Variants in GRXCR1 observed in about 807,000 individuals in gnomAD.
GRXCR1 encodes glutaredoxin domain-containing cysteine-rich protein 1.
A neutral mutation model predicts 27.3 loss-of-function variants in GRXCR1; 27 were observed. The observed-to-expected ratio is 0.99, with a 90% CI of 0.73 to 1.37. The LOEUF (loss-of-function observed/expected upper bound fraction) is 1.37. GRXCR1 is among the 40% of genes most tolerant of loss of function. GRXCR1 has a pLI of 0.00. For synonymous variants in GRXCR1, 122 were observed against 131.1 expected, an observed-to-expected ratio of 0.93 and a Z score of 0.47; for missense variants, 379 against 354.4, an observed-to-expected ratio of 1.07 and a Z score of -0.56.
chr4:42,945,801 A>G (rs1293530074), intron 1 of GRXCR1, among the ~76,000 whole-genome samples: 1 of 152,152 alleles, frequency 6.6e-6, no homozygotes, highest in Non-Finnish European at 1.5e-5. Flanking sequence ...AGAGGTGGTT[A>G]GCTTATTTTA....
chr4:42,923,152 C>T (rs1321183018), intron 1 of GRXCR1, among the ~76,000 whole-genome samples: 1 of 152,134 alleles, frequency 6.6e-6, no homozygotes, highest in Admixed American at 6.6e-5. Context: ...TTCACCCCTC[C>T]ATAAGGGAGG....
At chr4:42,912,552 A>G (rs1746747486) in intron 1 of GRXCR1, among the ~76,000 whole-genome samples, 1 of 152,208 alleles carries the variant, frequency 6.6e-6, no homozygotes, top group South Asian at 2.1e-4. Context: ...ATAGCCCTGA[A>G]CAATTTTCAT....
At chr4:42,924,939 C>A (rs1747120946) in intron 1 of GRXCR1, among the ~76,000 whole-genome samples, 1 of 151,930 alleles carries the variant, frequency 6.6e-6, no homozygotes, top group Non-Finnish European at 1.5e-5. Flanking sequence ...ATCTAAATTC[C>A]ACAATTTCCC....
chr4:42,934,445 T>G (rs973533119), intron 1 of GRXCR1, among the ~76,000 whole-genome samples: 1 of 151,732 alleles, frequency 6.6e-6, no homozygotes, highest in Admixed American at 6.6e-5. Context: ...CTTTTATGCT[T>G]GAACACATGG....
In GRXCR1 at chr4:42,984,052, T is replaced by C. The variant is rs145236795; in HGVS notation, c.627+20918T>C. 1.8e-3 allele frequency among the ~76,000 whole-genome samples: 279 copies of C among 152,216 alleles called. 1 individual carries two copies. The highest frequency in any genetic ancestry group is 6.6e-3 in the African/African-American group (274 of 41,534). On this transcript the variant is annotated intron_variant, in intron 2 of 3. Transcript: ENST00000399770. The stretch of plus-strand genomic sequence containing the variant: ...GTTTTTGCCATGTTGGCCAGGCTGG[T>C]CTCGAACTCCTGACCTCAGGTGATC...
chr4:43,013,668 GA>G (rs1409859822), intron 2 of GRXCR1, among the ~76,000 whole-genome samples: 2 of 152,050 alleles, frequency 1.3e-5, no homozygotes, highest in Non-Finnish European at 1.5e-5. Flanking sequence ...AAATAAAAAT[GA>G]AAATCAGTTT....
intron 1 of GRXCR1, among the ~76,000 whole-genome samples, chr4:42,902,411 G>A (rs1370897656): frequency 6.6e-6 from 1 of 152,150 alleles, no homozygotes; most frequent in Non-Finnish European, 1.5e-5. Context: ...TTAATTTGCT[G>A]AGGATAATGG....
At chr4:42,897,790 G>T (rs1746379323) in intron 1 of GRXCR1, among the ~76,000 whole-genome samples, 3 of 151,808 alleles carry the variant, frequency 2.0e-5, no homozygotes, top group Admixed American at 2.0e-4. Context: ...TTTAAAGAAA[G>T]TAAATAATTT....
chr4:42,981,882 T>C (rs1039324598), intron 2 of GRXCR1, among the ~76,000 whole-genome samples: 8 of 152,266 alleles, frequency 5.3e-5, no homozygotes, highest in African/African-American at 1.9e-4. Flanking sequence ...TTTTTGACAG[T>C]TTGATTATAT....
chr4:42,893,837 T>C (rs1746290147), intron 1 of GRXCR1, among the ~76,000 whole-genome samples, 187 bp downstream of exon 1: 1 of 152,146 alleles, frequency 6.6e-6, no homozygotes, highest in Non-Finnish European at 1.5e-5. Context: ...CTTGGGAAAA[T>C]AGACTGAGTT....
At chr4:42,940,023 G>C (rs1316441409) in intron 1 of GRXCR1, among the ~76,000 whole-genome samples, 2 of 151,952 alleles carry the variant, frequency 1.3e-5, no homozygotes, top group African/African-American at 2.4e-5. Flanking sequence ...TACCCGTGGA[G>C]AGCAGGCCTC....
At chr4:42,921,592 C>A (rs911649788) in intron 1 of GRXCR1, among the ~76,000 whole-genome samples, 43 of 151,794 alleles carry the variant, frequency 2.8e-4, no homozygotes, top group Admixed American at 1.2e-3. Context: ...GTACTCAGTC[C>A]CTCTCTAAAC....
At position 42,959,311 on chromosome 4, in the gene GRXCR1, T is replaced by C. The variant is rs200114467; in HGVS notation, c.385-3581T>C. Among the ~76,000 whole-genome samples the C allele has an allele frequency of 2.0e-5, 3 of 151,812 alleles. No individual in the cohort carries two copies. In the East Asian group the frequency reaches 5.8e-4, roughly 29 times the overall value. On this transcript the variant is annotated intron_variant, in intron 1 of 3. Coordinates refer to ENST00000399770, the MANE Select transcript of GRXCR1 (RefSeq NM_001080476.3). ...CTAGGGAATATTATGCTAAGTGAAA[T>C]AAGCCAGGCAGAGAAAGAAAAATAC...
chr4:42,930,164 G>A (rs968471242), intron 1 of GRXCR1, among the ~76,000 whole-genome samples: 1 of 151,928 alleles, frequency 6.6e-6, no homozygotes, highest in African/African-American at 2.4e-5. Flanking sequence ...ACATCAAAAG[G>A]CAGTCCTGTA....
intron 1 of GRXCR1, among the ~76,000 whole-genome samples, chr4:42,917,714 C>A (rs1380890114): frequency 6.6e-6 from 1 of 151,990 alleles, no homozygotes; most frequent in Non-Finnish European, 1.5e-5. Flanking sequence ...AGAAAGGCTA[C>A]CTTAGTATTT....
intron 2 of GRXCR1, among the ~76,000 whole-genome samples, chr4:42,973,962 C>G (rs932708811): frequency 1.3e-5 from 2 of 152,062 alleles, no homozygotes; most frequent in Admixed American, 6.6e-5. Flanking sequence ...CAACAAAGCA[C>G]AAACAAATTG....
intron 2 of GRXCR1, among the ~76,000 whole-genome samples, chr4:42,987,367 C>T (rs1460673326): frequency 6.7e-6 from 1 of 149,682 alleles, no homozygotes; most frequent in East Asian, 2.0e-4. Context: ...AGGGTGACTT[C>T]AAACTCCTGA....
chr4:42,907,422 C>G (rs190404034), intron 1 of GRXCR1, among the ~76,000 whole-genome samples: 78 of 152,284 alleles, frequency 5.1e-4, no homozygotes, highest in African/African-American at 1.8e-3. Flanking sequence ...GAAATGATAG[C>G]TGATAATCTT....
intron 2 of GRXCR1, among the ~76,000 whole-genome samples, chr4:42,999,918 G>A (rs539528192): frequency 6.6e-6 from 1 of 152,160 alleles, no homozygotes; most frequent in East Asian, 1.9e-4. Context: ...TGGTTAATGT[G>A]TCTTTGTTCA....
Sources: allele counts gnomAD v4.1 joint callset (sites outside exome capture counted in the v4.1 genomes callset), GRCh38; gene constraint gnomAD v4.1.1; transcripts MANE v1.5; gene names NCBI Gene and HGNC (gene_info 2026-07-23, HGNC 2026-07-21).